Variants in ABL1 observed in about 807,000 individuals in gnomAD.
ABL1 encodes tyrosine-protein kinase ABL1.
Under a neutral mutation model 94.7 loss-of-function variants are expected in ABL1, and 11 were observed. That is an observed-to-expected ratio of 0.12 (90% CI 0.07 to 0.19). The LOEUF is 0.19. Among genes scored for constraint, ABL1 ranks in the 10% least tolerant of loss-of-function variants. ABL1 has a pLI of 1.00. For missense variants in ABL1, 1,082 were observed against 1,489.4 expected, an observed-to-expected ratio of 0.73 and a Z score of 4.50; for synonymous variants, 656 against 622.4, an observed-to-expected ratio of 1.05 and a Z score of -0.80.
At chr9:130,878,226 CA>C (rs1831385891) in intron 7 of ABL1, among the ~76,000 whole-genome samples, 188 bp from the exon 8 acceptor site, 1 of 152,160 alleles carries the variant, frequency 6.6e-6, no homozygotes, top group Admixed American at 6.5e-5. Flanking sequence ...GCTGGGATTA[CA>C]GGCGTGAGCC....
chr9:130,734,768 C>T (rs879912113), intron 1 of ABL1, among the ~76,000 whole-genome samples: 1 of 151,858 alleles, frequency 6.6e-6, no homozygotes, highest in Non-Finnish European at 1.5e-5. Flanking sequence ...GTGATCTACC[C>T]GCCTCAGCCT....
At chr9:130,790,631 A>AT (rs1002103602) in intron 1 of ABL1, among the ~76,000 whole-genome samples, 152 of 148,246 alleles carry the variant, frequency 1.0e-3, no homozygotes, top group African/African-American at 3.1e-3. Context: ...CACACCTAGT[A>AT]TTTTTTTTTT....
chr9:130,742,401 C>T (rs1831831478), intron 1 of ABL1, among the ~76,000 whole-genome samples: 1 of 152,160 alleles, frequency 6.6e-6, no homozygotes, highest in African/African-American at 2.4e-5. Context: ...AGCACTTCCA[C>T]CTCTCCTGAA....
intron 3 of ABL1, among the ~76,000 whole-genome samples, chr9:130,859,903 A>G (rs958150798): frequency 6.6e-6 from 1 of 151,022 alleles, no homozygotes; most frequent in African/African-American, 2.4e-5. Context: ...CTGGTTTCGA[A>G]CGCCTGACCT....
intron 1 of ABL1, among the ~76,000 whole-genome samples, chr9:130,820,901 A>AG (rs1588252578): frequency 6.6e-6 from 1 of 152,114 alleles, no homozygotes; most frequent in African/African-American, 2.4e-5. Flanking sequence ...AAATTTATAG[A>AG]GTGTGCACCA....
Position 130,880,295 on chromosome 9 carries a change from G to A in ABL1, c.1513+138G>A. 23 of 1,099,930 alleles carry A rather than the reference G, an allele frequency of 2.1e-5. No homozygotes were observed. The highest frequency in any genetic ancestry group is 3.0e-5 in the Non-Finnish European group (22 of 740,846). The allele number at this position is 1,099,930 out of a possible 1,614,324, so 68.1% of individuals were successfully genotyped here. ...TGAGACCAGAAAGCTGGGCAGAGGTGTGGAGTATTGTGCTTTCTTGTCTGC... is the reference window on the plus strand; with the variant it reads ...TGAGACCAGAAAGCTGGGCAGAGGTATGGAGTATTGTGCTTTCTTGTCTGC... On this transcript the variant is annotated intron_variant, in intron 9 of 10. Coordinates refer to ENST00000318560, the MANE Select transcript of ABL1 (RefSeq NM_005157.6). This position sits in a 1 kb window ranked among gnomAD's most constrained non-coding sequence, Gnocchi z 4.4.
intron 3 of ABL1, among the ~76,000 whole-genome samples, chr9:130,858,754 G>C (rs1831015402): frequency 6.6e-6 from 1 of 152,192 alleles, no homozygotes; most frequent in African/African-American, 2.4e-5. Flanking sequence ...GGCTGGGGTT[G>C]AATAAGTTTG....
intron 1 of ABL1, among the ~76,000 whole-genome samples, chr9:130,843,745 G>A (rs1057262285): frequency 2.0e-5 from 3 of 152,044 alleles, no homozygotes; most frequent in African/African-American, 7.2e-5. Context: ...CGAACTCTAG[G>A]GAGAGTAAAT....
chr9:130,786,303 C>G (rs750495683), intron 1 of ABL1, among the ~76,000 whole-genome samples: 10 of 152,116 alleles, frequency 6.6e-5, no homozygotes, highest in Non-Finnish European at 1.3e-4. Context: ...AATATTGGCT[C>G]TGTGTGTGAG....
intron 1 of ABL1, among the ~76,000 whole-genome samples, chr9:130,822,077 A>T (rs1475679709): frequency 6.6e-6 from 1 of 152,036 alleles, no homozygotes; most frequent in Non-Finnish European, 1.5e-5. Context: ...TGACCTCGTG[A>T]TCTGCCTGCC....
At chr9:130,761,356 C>T (rs1832112518) in intron 1 of ABL1, among the ~76,000 whole-genome samples, 1 of 152,164 alleles carries the variant, frequency 6.6e-6, no homozygotes, top group African/African-American at 2.4e-5. Flanking sequence ...TGGCATCTCT[C>T]TTTTCTCCTC....
intron 3 of ABL1, among the ~76,000 whole-genome samples, chr9:130,861,015 C>A (rs1022480260): frequency 6.6e-6 from 1 of 152,312 alleles, no homozygotes; most frequent in South Asian, 2.1e-4. Context: ...CCTGTGTGCA[C>A]GTTCGTGGGT....
chr9:130,847,652 C>G (rs1830793814), intron 1 of ABL1, among the ~76,000 whole-genome samples: 1 of 152,162 alleles, frequency 6.6e-6, no homozygotes, highest in Admixed American at 6.5e-5. Flanking sequence ...ACTTCAGTGT[C>G]TCGGTCCAGA....
chr9:130,829,280 C>T (rs1830463642), intron 1 of ABL1, among the ~76,000 whole-genome samples: 1 of 152,078 alleles, frequency 6.6e-6, no homozygotes, highest in Admixed American at 6.6e-5. Flanking sequence ...TAGAACTGAG[C>T]CCGGGCACGG....
chr9:130,788,830 A>G (rs968573901), intron 1 of ABL1, among the ~76,000 whole-genome samples: 1 of 152,178 alleles, frequency 6.6e-6, no homozygotes, highest in Non-Finnish European at 1.5e-5. Context: ...TACAGAAGTA[A>G]TGCTGTATCT....
chr9:130,841,356 C>T (rs977742425), intron 1 of ABL1, among the ~76,000 whole-genome samples: 6 of 151,880 alleles, frequency 4.0e-5, no homozygotes, highest in Non-Finnish European at 5.9e-5. Context: ...ATCCGCCCAC[C>T]TCGGCCTCCC....
At chr9:130,725,283 C>G (rs894955474) in intron 1 of ABL1, among the ~76,000 whole-genome samples, 1 of 152,140 alleles carries the variant, frequency 6.6e-6, no homozygotes, top group South Asian at 2.1e-4. Context: ...TATGCTTTTT[C>G]TCTCTATGAA....
chr9:130,782,937 C>G (rs1471031910), intron 1 of ABL1, among the ~76,000 whole-genome samples: 3 of 152,228 alleles, frequency 2.0e-5, no homozygotes, highest in Admixed American at 1.3e-4. Context: ...TTAACACTTG[C>G]TATCTCTCTT....
At chr9:130,749,735 G>A (rs1399525488) in intron 1 of ABL1, among the ~76,000 whole-genome samples, 3 of 152,192 alleles carry the variant, frequency 2.0e-5, no homozygotes, top group African/African-American at 7.2e-5. Flanking sequence ...GCTGATGTCT[G>A]TGAAAGAACT....
Sources: allele counts gnomAD v4.1 joint callset (sites outside exome capture counted in the v4.1 genomes callset), GRCh38; gene constraint gnomAD v4.1.1; non-coding constraint Gnocchi (gnomAD v3.1); transcripts MANE v1.5; gene names NCBI Gene and HGNC (gene_info 2026-07-23, HGNC 2026-07-21).